The following VWA3B variants were observed in gnomAD, a reference collection of about 807,000 sequenced individuals.
VWA3B encodes the protein von Willebrand factor A domain containing 3B.
Under a neutral mutation model 158.3 loss-of-function variants are expected in VWA3B, and 138 were observed. The observed-to-expected ratio is 0.87, with a 90% CI of 0.76 to 1.00. The LOEUF is 1.00. Among genes scored for constraint, VWA3B ranks in the 50% least tolerant of loss-of-function variants. The pLI is 0.00. For missense variants in VWA3B, 1,555 were observed against 1,565.1 expected (o/e 0.99, Z 0.11); for synonymous variants, 596 against 587.3 (o/e 1.01, Z -0.21).
chr2:98,309,994 A>T (rs1356563904), intron 26 of VWA3B, among the ~76,000 whole-genome samples: 1 of 152,162 alleles, frequency 6.6e-6, no homozygotes, highest in African/African-American at 2.4e-5. Flanking sequence ...GCCCTAGGAC[A>T]TGGGACAAGG....
chr2:98,263,379 T>C (rs1001311016), intron 21 of VWA3B, among the ~76,000 whole-genome samples: 1 of 151,936 alleles, frequency 6.6e-6, no homozygotes, highest in Non-Finnish European at 1.5e-5. Context: ...TTAAGTACAA[T>C]AGTAGCTGTA....
In VWA3B at chr2:98,290,581, A is replaced by G; in HGVS notation, c.3116A>G (p.Lys1039Arg). 6.3e-7 allele frequency: 1 copy of G among 1,595,772 alleles called. No individual in the cohort carries two copies. Among genetic ancestry groups the G allele is most frequent in the East Asian group, 2.2e-5 (1 of 44,698 alleles). Residue 1039 changes from lysine (K) to arginine (R), a missense_variant, in exon 23 of 28, where the codon AAG (lysine) becomes AGG (arginine). Lys to Arg is a conservative substitution (Grantham distance 26). Transcript: ENST00000477737. ...SKRPDPLKGQKVIARCDENGF... is the reference protein window; with the variant it reads ...SKRPDPLKGQRVIARCDENGF... The stretch of plus-strand genomic sequence containing the variant: ...AGACCAGATCCCCTCAAAGGACAGA[A>G]GGTTATTGCAAGATGTGATGAAAAT...
chr2:98,256,595 G>C (rs1001039696), intron 21 of VWA3B, among the ~76,000 whole-genome samples: 1 of 152,098 alleles, frequency 6.6e-6, no homozygotes, highest in Non-Finnish European at 1.5e-5. Flanking sequence ...TTCCACTGAC[G>C]GGCATTTGGG....
intron 8 of VWA3B, among the ~76,000 whole-genome samples, chr2:98,167,984 G>A (rs1217239093): frequency 6.6e-6 from 1 of 152,140 alleles, no homozygotes; most frequent in African/African-American, 2.4e-5. Context: ...TAACATAACT[G>A]CATCTCTGAA....
intron 22 of VWA3B, among the ~76,000 whole-genome samples, chr2:98,280,279 G>A (rs1688793777): frequency 6.6e-6 from 1 of 151,924 alleles, no homozygotes; most frequent in Non-Finnish European, 1.5e-5. Flanking sequence ...AAATAGTTTT[G>A]GATTTTTTTG....
chr2:98,196,540 CA>C (rs1682058535), intron 12 of VWA3B, among the ~76,000 whole-genome samples: 1 of 152,130 alleles, frequency 6.6e-6, no homozygotes, highest in Non-Finnish European at 1.5e-5. Flanking sequence ...AGTAGGTCCC[CA>C]AACAAGCATA....
chr2:98,298,403 TATTCTATTCTATTCTATTC>T (rs1689956090), intron 24 of VWA3B, among the ~76,000 whole-genome samples: 1 of 149,626 alleles, frequency 6.7e-6, no homozygotes, highest in Non-Finnish European at 1.5e-5. Flanking sequence ...TATTCTATTC[TATTCTATTCTATTCTATTC>T]TATTCTATTC....
intron 8 of VWA3B, among the ~76,000 whole-genome samples, chr2:98,171,417 G>A (rs1458001039): frequency 6.6e-6 from 1 of 152,144 alleles, no homozygotes; most frequent in Non-Finnish European, 1.5e-5. Flanking sequence ...GTGAAAAGAT[G>A]GGAGAGAGCC....
In VWA3B at chr2:98,129,258, TGG is replaced by T. The variant is rs1491154610; in HGVS notation, c.872+851_872+852del. Among the ~76,000 whole-genome samples the T allele has an allele frequency of 4.9e-4, 66 of 135,228 alleles. No individual in the cohort carries two copies. In the East Asian group the frequency reaches 6.7e-3, roughly 14 times the overall value. 88.7% of individuals were successfully genotyped at this position (135,228 alleles called of 152,430 possible). A position where few individuals can be genotyped will look rare whatever the true frequency, so the allele number is the denominator to read the frequency against. On this transcript the variant is annotated intron_variant, in intron 6 of 27. Transcript: ENST00000477737. ...GTGTGTGTGTGTGTGTGTGTGTGTG[TGG>T]AGAGAGAGGGAGGAGAGAGAGGAGA...
chr2:98,289,404 T>A (rs1281194823), intron 22 of VWA3B, among the ~76,000 whole-genome samples: 1 of 152,154 alleles, frequency 6.6e-6, no homozygotes, highest in East Asian at 1.9e-4. Flanking sequence ...GATCAGAAAT[T>A]CCTTTGTTTT....
intron 2 of VWA3B, among the ~76,000 whole-genome samples, chr2:98,100,081 T>A (rs2104845445): frequency 6.6e-6 from 1 of 152,364 alleles, no homozygotes; most frequent in South Asian, 2.1e-4. Flanking sequence ...GGTCAGTCAC[T>A]AGCACGTTAC....
intron 7 of VWA3B, among the ~76,000 whole-genome samples, chr2:98,160,758 T>C (rs1038879874): frequency 2.0e-5 from 3 of 152,158 alleles, no homozygotes; most frequent in Non-Finnish European, 4.4e-5. Flanking sequence ...GCAGCCTGTG[T>C]TATTTTTGGA....
At chr2:98,254,267 T>C (rs1390410167) in intron 20 of VWA3B, among the ~76,000 whole-genome samples, 1 of 152,096 alleles carries the variant, frequency 6.6e-6, no homozygotes, top group African/African-American at 2.4e-5. Context: ...TAGCACAGGA[T>C]CACACAGCAG....
At chr2:98,134,099 T>C (rs1057446125) in intron 7 of VWA3B, 160 bp downstream of exon 7, 33 of 638,948 alleles carry the variant, frequency 5.2e-5, no homozygotes, top group Non-Finnish European at 8.8e-5. Context: ...TAGTGGTGAG[T>C]TTGTCAGCGT....
At chr2:98,191,038 G>C (rs1681532092) in intron 10 of VWA3B, among the ~76,000 whole-genome samples, 1 of 151,896 alleles carries the variant, frequency 6.6e-6, no homozygotes, top group African/African-American at 2.4e-5. Flanking sequence ...AAATGCTTTT[G>C]TCTTTTTTCT....
chr2:98,155,263 A>G (rs1407490152), intron 7 of VWA3B, among the ~76,000 whole-genome samples: 1 of 152,204 alleles, frequency 6.6e-6, no homozygotes, highest in Non-Finnish European at 1.5e-5. Context: ...CATCAGAATT[A>G]CAAACTGGGT....
At chr2:98,264,873 T>G (rs1221503493) in intron 21 of VWA3B, among the ~76,000 whole-genome samples, 1 of 152,112 alleles carries the variant, frequency 6.6e-6, no homozygotes, top group Non-Finnish European at 1.5e-5. Context: ...GTTTTATGTA[T>G]CTGAGAGCTC....
intron 7 of VWA3B, among the ~76,000 whole-genome samples, chr2:98,155,750 T>A (rs1678011515): frequency 6.6e-6 from 1 of 152,128 alleles, no homozygotes; most frequent in Admixed American, 6.5e-5. Context: ...TGGCCTGGAA[T>A]GGGTGTTGGA....
At chr2:98,174,094 T>C (rs1679817863) in intron 8 of VWA3B, among the ~76,000 whole-genome samples, 1 of 152,194 alleles carries the variant, frequency 6.6e-6, no homozygotes, top group African/African-American at 2.4e-5. Context: ...TTAAGGACCT[T>C]CAAAACTTCT....
Sources: allele counts gnomAD v4.1 joint callset (sites outside exome capture counted in the v4.1 genomes callset), GRCh38; gene constraint gnomAD v4.1.1; transcripts MANE v1.5; gene names NCBI Gene and HGNC (gene_info 2026-07-23, HGNC 2026-07-21).